The following RANBP3 variants were observed in gnomAD, a reference collection of about 807,000 sequenced individuals.
RANBP3 encodes the protein ran-binding protein 3.
In RANBP3, 14 loss-of-function variants were observed where a neutral mutation model predicts 77.3. The ratio of observed to expected loss-of-function variants is 0.18; its 90% CI spans 0.12 to 0.28. The LOEUF is 0.28. Ranked by LOEUF, RANBP3 falls within the 10% of genes least tolerant of loss-of-function variation. The probability of loss-of-function intolerance (pLI) is 1.00; values close to 1 mark genes in which losing one functional copy is unlikely to be tolerated. For missense variants in RANBP3, 586 were observed against 752.3 expected (o/e 0.78, Z 2.59); for synonymous variants, 315 against 312.4 (o/e 1.01, Z -0.09).
intron 2 of RANBP3, 113 bp from the exon 3 acceptor site, chr19:5,951,709 C>T (rs988604995): frequency 2.3e-5 from 22 of 964,798 alleles, no homozygotes; most frequent in South Asian, 1.3e-4. Context: ...GCAGCTCCTG[C>T]GCCTGGGAGG....
chr19:5,953,889 C>G (rs996167460), intron 2 of RANBP3, among the ~76,000 whole-genome samples: 1 of 152,154 alleles, frequency 6.6e-6, no homozygotes, highest in African/African-American at 2.4e-5. Flanking sequence ...TAAAACCACA[C>G]ATGGCTTTTT....
rs765303794 is a variant in RANBP3 at position 5,921,340 on chromosome 19, C to T, written c.1210-19G>A. ...ACTGCATCTGGAACACAGTGGCCGCCGGTAAGCAGGGACCCCAGCTGGTGT... is the reference window on the plus strand; with the variant it reads ...ACTGCATCTGGAACACAGTGGCCGCTGGTAAGCAGGGACCCCAGCTGGTGT... On this transcript the variant is annotated intron_variant, in intron 13 of 16. Coordinates refer to ENST00000340578, the MANE Select transcript of RANBP3 (RefSeq NM_007322.3). This position sits in a 1 kb window ranked among gnomAD's most constrained non-coding sequence, Gnocchi z 5.3. The T allele has an allele frequency of 1.6e-5, 25 of 1,612,176 alleles. No homozygotes were observed. Among genetic ancestry groups the T allele is most frequent in the East Asian group, 1.1e-4 (5 of 44,838 alleles).
chr19:5,952,119 T>C lies in RANBP3; in HGVS notation c.79-523A>G, dbSNP rs2058283911. 6.6e-6 allele frequency among the ~76,000 whole-genome samples: 1 copy of C among 152,160 alleles called. No individual in the cohort carries two copies. Among genetic ancestry groups the C allele is most frequent in the South Asian group, 2.1e-4 (1 of 4,828 alleles). On this transcript the variant is annotated intron_variant, in intron 2 of 16. Transcript: ENST00000340578. The surrounding 1 kb of genome is among the most constrained non-coding windows in gnomAD (Gnocchi z 4.1). ...GGGGTCAAGGGCTTCTGCCTCTCAC[T>C]ACAGTTCTTCTAGCACTTTCCATTT...
At chr19:5,977,984 C>G (rs1284499393) in intron 1 of RANBP3, 77 bp downstream of exon 1, 23 of 1,584,624 alleles carry the variant, frequency 1.5e-5, no homozygotes, top group Admixed American at 3.5e-5. Flanking sequence ...GGTGCTCCCC[C>G]CAAGGGCTTG....
rs533871689 is a variant in RANBP3, at chr19:5,959,923, CCT to C, written c.23-1952_23-1951del. Among the ~76,000 whole-genome samples, 57 of 152,330 alleles carry C rather than the reference CCT, an allele frequency of 3.7e-4. No homozygotes were observed. Among genetic ancestry groups the C allele is most frequent in the African/African-American group, 1.3e-3 (54 of 41,566 alleles). On this transcript the variant is annotated intron_variant, in intron 1 of 16. Coordinates refer to ENST00000340578, the MANE Select transcript of RANBP3 (RefSeq NM_007322.3). This position sits in a 1 kb window ranked among gnomAD's most constrained non-coding sequence, Gnocchi z 5.1. Reference sequence around the variant, plus strand: ...TAGGGAGCTACCCACCCCTCGTCCCCCTGTCCCCCAGTTCAGATGGAGCCAAG... The same window carrying C: ...TAGGGAGCTACCCACCCCTCGTCCCCGTCCCCCAGTTCAGATGGAGCCAAG...
chr19:5,917,616 G>C lies in RANBP3; in HGVS notation c.1698C>G (p.Ser566Arg). 1 of 1,603,402 alleles carries C rather than the reference G, an allele frequency of 6.2e-7. No homozygotes were observed. Among genetic ancestry groups the C allele is most frequent in the Admixed American group, 1.7e-5 (1 of 59,526 alleles). The change falls in exon 17 of 17, where the codon AGC (serine) becomes AGG (arginine). Residue 566 changes from serine to arginine, a missense_variant. By Grantham distance (110) the Ser-to-Arg change is moderately radical. Transcript: ENST00000340578. ...GDEGDGQTTGST is the reference protein window; with the variant it reads ...GDEGDGQTTGRT ...GCAGCCGGGCTCCCGGCCGCTATGT[G>C]CTCCCGGTCGTCTGCCCGTCCCCTT...
At chr19:5,955,309 T>G (rs1399568951) in intron 2 of RANBP3, among the ~76,000 whole-genome samples, 1 of 152,112 alleles carries the variant, frequency 6.6e-6, no homozygotes, top group Non-Finnish European at 1.5e-5. Context: ...GGTTTCACCA[T>G]GTTGGTCAGG....
Position 5,933,496 on chromosome 19 carries a change from A to G in RANBP3, c.407-17T>C. The stretch of plus-strand genomic sequence containing the variant: ...TCCTTTCCTCTAAAAGCACAAGACA[A>G]AATATCAACAGCAGGCCTGCCTGGG... On this transcript the variant is annotated splice_polypyrimidine_tract_variant and intron_variant, in intron 5 of 16. Transcript: ENST00000340578. 1.2e-6 allele frequency: 2 copies of G among 1,611,402 alleles called. No individual in the cohort carries two copies. Among genetic ancestry groups the G allele is most frequent in the South Asian group, 1.1e-5 (1 of 90,790 alleles).
At chr19:5,945,809 C>T (rs1022312223) in intron 3 of RANBP3, among the ~76,000 whole-genome samples, 4 of 152,164 alleles carry the variant, frequency 2.6e-5, no homozygotes, top group Non-Finnish European at 5.9e-5. Context: ...GGCTCCGGGG[C>T]TCCCAACAGT....
At chr19:5,945,925 G>A (rs2058198505) in intron 3 of RANBP3, among the ~76,000 whole-genome samples, 1 of 151,744 alleles carries the variant, frequency 6.6e-6, no homozygotes. Context: ...CAACCTGCCA[G>A]CAAGTCCCAT....
intron 5 of RANBP3, among the ~76,000 whole-genome samples, chr19:5,938,637 A>G (rs986361104): frequency 6.6e-6 from 1 of 152,190 alleles, no homozygotes; most frequent in African/African-American, 2.4e-5. Context: ...GGTTGCAGTG[A>G]GCCAAGATCG....
intron 8 of RANBP3, 54 bp from the exon 9 acceptor site, chr19:5,928,141 C>T: frequency 6.4e-7 from 1 of 1,572,320 alleles, no homozygotes; most frequent in South Asian, 1.2e-5. Flanking sequence ...ACACTTGGCC[C>T]AGACGGATGC....
intron 1 of RANBP3, among the ~76,000 whole-genome samples, chr19:5,963,251 T>C (rs1392005562): frequency 6.6e-6 from 1 of 152,142 alleles, no homozygotes; most frequent in Non-Finnish European, 1.5e-5. Flanking sequence ...CATCCGTATA[T>C]TAAGAGATTA....
intron 6 of RANBP3, chr19:5,932,960 G>A (rs909728903): frequency 1.1e-5 from 3 of 268,170 alleles, no homozygotes; most frequent in Non-Finnish European, 2.1e-5. Context: ...CTCTGCCAAA[G>A]GCAGATGGGA....
chr19:5,976,342 T>G (rs1219326416), intron 1 of RANBP3: 2 of 152,212 alleles, frequency 1.3e-5, no homozygotes, highest in Non-Finnish European at 2.9e-5. Flanking sequence ...GGGCTCAGGA[T>G]GTAAATACAT....
At chr19:5,928,163 A>T in intron 8 of RANBP3, 76 bp from the exon 9 acceptor site, 1 of 1,528,464 alleles carries the variant, frequency 6.5e-7, no homozygotes, top group Non-Finnish European at 8.8e-7. Context: ...CAGCAATCCC[A>T]CACCAGATCA....
At chr19:5,922,191 A>C (rs2145025275) in intron 13 of RANBP3, among the ~76,000 whole-genome samples, 1 of 152,318 alleles carries the variant, frequency 6.6e-6, no homozygotes, top group East Asian at 1.9e-4. Context: ...GTATGCTTTA[A>C]AAGGATGGAT....
intron 1 of RANBP3, chr19:5,965,849 T>C (rs982101440): frequency 2.0e-5 from 3 of 152,276 alleles, no homozygotes; most frequent in Admixed American, 6.5e-5. Context: ...AGCACTTCTT[T>C]ATGTGTTAGG....
Position 5,958,027 on chromosome 19 carries a change from A to G in RANBP3, c.23-54T>C. 1.4e-6 allele frequency: 2 copies of G among 1,451,336 alleles called. No individual in the cohort carries two copies. The highest frequency in any genetic ancestry group is 9.7e-7 in the Non-Finnish European group (1 of 1,034,136). 89.9% of individuals were successfully genotyped at this position (1,451,336 alleles called of 1,614,324 possible). ...CCCCAACACTATATGCATACAGTAA[A>G]CAAAGCTACACTTGTTTGTAATATG... is the stretch of plus-strand genomic sequence containing the variant. On this transcript the variant is annotated intron_variant, in intron 1 of 16. Coordinates refer to ENST00000340578, the MANE Select transcript of RANBP3 (RefSeq NM_007322.3). This position sits in a 1 kb window ranked among gnomAD's most constrained non-coding sequence, Gnocchi z 4.4.
Sources: allele counts gnomAD v4.1 joint callset (sites outside exome capture counted in the v4.1 genomes callset), GRCh38; gene constraint gnomAD v4.1.1; non-coding constraint Gnocchi (gnomAD v3.1); transcripts MANE v1.5; gene names NCBI Gene and HGNC (gene_info 2026-07-23, HGNC 2026-07-21).